The following SETD5 variants were observed in gnomAD, a reference collection of about 807,000 sequenced individuals.
The protein encoded by SETD5 is histone-lysine N-methyltransferase SETD5.
A neutral mutation model predicts 153.3 loss-of-function variants in SETD5; 44 were observed. The observed-to-expected ratio is 0.29, with a 90% CI of 0.23 to 0.37. The LOEUF (loss-of-function observed/expected upper bound fraction) is 0.37, where lower values mean the gene tolerates loss of function less well. SETD5 is among the 10% of genes least tolerant of loss of function. The probability of loss-of-function intolerance (pLI) is 1.00; values close to 1 mark genes in which losing one functional copy is unlikely to be tolerated. For synonymous variants in SETD5, 716 were observed against 645.2 expected (o/e 1.11, Z -1.66); for missense variants, 1,544 against 1,768.0 (o/e 0.87, Z 2.27).
intron 10 of SETD5, 67 bp from the exon 11 acceptor site, chr3:9,443,241 T>C: frequency 8.7e-7 from 1 of 1,152,178 alleles, no homozygotes; most frequent in Non-Finnish European, 1.3e-6. Context: ...GAAAGTATGG[T>C]TTTTTTCTCT....
chr3:9,448,033 G>A (rs1329002083), intron 15 of SETD5, 27 bp downstream of exon 15: 1 of 1,593,486 alleles, frequency 6.3e-7, no homozygotes, highest in Non-Finnish European at 8.6e-7. Flanking sequence ...TCCTTTATAA[G>A]TCCAGTCTGG....
chr3:9,425,845 A>T (rs1405851638), intron 2 of SETD5, among the ~76,000 whole-genome samples: 1 of 152,170 alleles, frequency 6.6e-6, no homozygotes, highest in Non-Finnish European at 1.5e-5. Context: ...TAATGATATT[A>T]AGTACGGTTT....
At chr3:9,454,095 A>T (rs192358929) in intron 17 of SETD5, 14 of 276,524 alleles carry the variant, frequency 5.1e-5, no homozygotes, top group African/African-American at 2.9e-4. Flanking sequence ...AAATGGTTAT[A>T]AAAAAGGTTA....
Position 9,434,389 on chromosome 3 carries a change from G to A in SETD5, c.233G>A (p.Cys78Tyr). The A allele has an allele frequency of 8.1e-6, 13 of 1,613,980 alleles. No individual in the cohort carries two copies. Among genetic ancestry groups the A allele is most frequent in the Non-Finnish European group, 1.1e-5 (13 of 1,179,882 alleles). Residue 78 changes from cysteine (C) to tyrosine (Y), a missense_variant, in exon 5 of 23, where the codon TGT (cysteine) becomes TAT (tyrosine). Transcript: ENST00000402198. This position sits in a 1 kb window ranked among gnomAD's most constrained non-coding sequence, Gnocchi z 5.6. ...NGLPSPVEER[C>Y]GDSPNSEGET... ...CTGCCGTCGCCTGTAGAGGAACGCT[G>A]TGGAGACAGCCCGAACTCTGAAGGA... is the stretch of plus-strand genomic sequence containing the variant.
intron 10 of SETD5, 117 bp from the exon 11 acceptor site, chr3:9,443,191 C>T (rs1316616421): frequency 1.1e-5 from 8 of 752,220 alleles, no homozygotes; most frequent in Non-Finnish European, 1.8e-5. Flanking sequence ...TACCATAACT[C>T]CTTAAATAAA....
intron 7 of SETD5, among the ~76,000 whole-genome samples, chr3:9,437,453 A>C (rs927249890): frequency 2.0e-5 from 3 of 152,010 alleles, no homozygotes; most frequent in African/African-American, 7.3e-5. Context: ...AAAGAAGTGT[A>C]AGGTGCTGGT....
intron 1 of SETD5, among the ~76,000 whole-genome samples, chr3:9,423,521 CCTTT>C (rs2038721999): frequency 6.6e-6 from 1 of 152,170 alleles, no homozygotes; most frequent in Non-Finnish European, 1.5e-5. Context: ...TTCCTCCTTT[CCTTT>C]TTTTCTTTCT....
intron 2 of SETD5, among the ~76,000 whole-genome samples, chr3:9,426,777 A>G (rs1302908328): frequency 3.3e-5 from 5 of 152,142 alleles, no homozygotes; most frequent in African/African-American, 1.2e-4. Context: ...AGCTCAAGCA[A>G]TCCACCTGCC....
intron 3 of SETD5, among the ~76,000 whole-genome samples, chr3:9,432,879 C>T (rs991293278): frequency 1.4e-4 from 21 of 152,164 alleles, no homozygotes; most frequent in Non-Finnish European, 7.4e-5. Flanking sequence ...ATAAAGGTCT[C>T]AAATAATTTT....
In SETD5 at chr3:9,454,576, C is replaced by T. The variant is rs181015177; in HGVS notation, c.2476+708C>T. Among the ~76,000 whole-genome samples the T allele has an allele frequency of 2.6e-3, 321 of 124,964 alleles. 1 individual carries two copies. In the Middle Eastern group the frequency reaches 0.037, roughly 14 times the overall value. The allele number at this position is 124,964 out of a possible 152,430, so 82.0% of individuals were successfully genotyped here. A position where few individuals can be genotyped will look rare whatever the true frequency, so the allele number is the denominator to read the frequency against. ...GGTGGAGGTTACAGTGAGCCAAGATCACGCCACTGCACTCCAGCCTGGGCG... is the reference window on the plus strand; with the variant it reads ...GGTGGAGGTTACAGTGAGCCAAGATTACGCCACTGCACTCCAGCCTGGGCG... On this transcript the variant is annotated intron_variant, in intron 17 of 22. Transcript: ENST00000402198.
At chr3:9,402,288 G>GCCTT (rs2034908583) in intron 1 of SETD5, among the ~76,000 whole-genome samples, 1 of 152,116 alleles carries the variant, frequency 6.6e-6, no homozygotes, top group Admixed American at 6.6e-5. Flanking sequence ...TTAATACTTA[G>GCCTT]CGAAGGGAAC....
rs1653594380 is a variant in SETD5, at chr3:9,434,734, G to A, written c.330-90G>A. 2.0e-6 allele frequency: 3 copies of A among 1,483,164 alleles called. No individual in the cohort carries two copies. Among genetic ancestry groups the A allele is most frequent in the Non-Finnish European group, 2.7e-6 (3 of 1,108,556 alleles). The allele number at this position is 1,483,164 out of a possible 1,614,324, so 91.9% of individuals were successfully genotyped here. ...ACATTTGGTAGGTGGGAGGGAGGGGGTAGCATATGCAGAGACACTTCGCCC... is the reference window on the plus strand; with the variant it reads ...ACATTTGGTAGGTGGGAGGGAGGGGATAGCATATGCAGAGACACTTCGCCC... On this transcript the variant is annotated intron_variant, in intron 5 of 22. Coordinates refer to ENST00000402198, the MANE Select transcript of SETD5 (RefSeq NM_001080517.3). The surrounding 1 kb of genome is among the most constrained non-coding windows in gnomAD (Gnocchi z 5.6).
At chr3:9,461,456 A>G (rs545907388) in intron 17 of SETD5, among the ~76,000 whole-genome samples, 75 of 152,292 alleles carry the variant, frequency 4.9e-4, no homozygotes, top group African/African-American at 1.1e-3. Context: ...ATTTGTGGAT[A>G]TGATTTTCAG....
At chr3:9,398,585 A>T (rs1368005419) in intron 1 of SETD5, 2 of 152,302 alleles carry the variant, frequency 1.3e-5, no homozygotes, top group Admixed American at 1.3e-4. Context: ...TGTCTGAGAT[A>T]GCCTCGTTGA....
chr3:9,440,892 A>G (rs145988884), intron 8 of SETD5, among the ~76,000 whole-genome samples, 194 bp downstream of exon 8: 1 of 152,188 alleles, frequency 6.6e-6, no homozygotes, highest in African/African-American at 2.4e-5. Context: ...TTTTTAAACT[A>G]CCTTTATTAA....
chr3:9,474,981 G>A, intron 21 of SETD5, 87 bp from the exon 22 acceptor site: 1 of 1,195,562 alleles, frequency 8.4e-7, no homozygotes, highest in South Asian at 1.4e-5. Flanking sequence ...GGTTGGTGAT[G>A]GCACTGGTGA....
In SETD5 at chr3:9,433,914, C is replaced by G; in HGVS notation, c.141C>G (p.Thr47=). 1 of 1,613,878 alleles carries G rather than the reference C, an allele frequency of 6.2e-7. No individual in the cohort carries two copies. Among genetic ancestry groups the G allele is most frequent in the Non-Finnish European group, 8.5e-7 (1 of 1,179,852 alleles). Residue 47 remains threonine (T), a synonymous_variant, in exon 4 of 23, where the codon ACC becomes ACG. Coordinates refer to ENST00000402198, the MANE Select transcript of SETD5 (RefSeq NM_001080517.3). ...KSVYSTHNYG[T]TQRHGCRGLP... ...TGTATTCCACTCATAATTATGGGAC[C>G]ACTCAGAGGCATGGGTGTCGAGGAC...
Position 9,475,146 on chromosome 3 carries a change from A to G in SETD5, c.3710A>G (p.Tyr1237Cys). 1 of 1,581,980 alleles carries G rather than the reference A, an allele frequency of 6.3e-7. No individual in the cohort carries two copies. The highest frequency in any genetic ancestry group is 8.6e-7 in the Non-Finnish European group (1 of 1,164,054). ...KGATVYSPSRYSYQLLQCDSP... is the reference protein window; with the variant it reads ...KGATVYSPSRCSYQLLQCDSP... ...GCAACAGTTTACAGCCCTTCCAGAT[A>G]CAGCTACCAGGTGAGATGAGAAATT... Residue 1237 changes from tyrosine (Y) to cysteine (C), a missense_variant, in exon 22 of 23, where the codon TAC becomes TGC. Physicochemically the swap from Tyr to Cys is radical, Grantham distance 194 (BLOSUM62 -2). This residue lies in a region of SETD5 where 302 missense variants were observed against 277.6 expected (regional missense o/e 1.09). Transcript: ENST00000402198.
chr3:9,421,444 A>T (rs2038381420), intron 1 of SETD5, among the ~76,000 whole-genome samples: 1 of 151,860 alleles, frequency 6.6e-6, no homozygotes. Flanking sequence ...GGCCTCTAAG[A>T]GTGCTTTTTC....
Sources: gnomAD v4.1 joint callset for allele counts (sites outside exome capture counted in the v4.1 genomes callset) on GRCh38, gnomAD v4.1.1 for gene constraint, gnomAD v4.1.1 regional missense constraint, Gnocchi (gnomAD v3.1) non-coding constraint, MANE v1.5 for transcripts, NCBI Gene and HGNC (gene_info 2026-07-23, HGNC 2026-07-21) for gene names.